The following PCDHA7 variants were observed in gnomAD, a reference collection of about 807,000 sequenced individuals.
PCDHA7 encodes the protein protocadherin alpha 7.
Under a neutral mutation model 57.2 loss-of-function variants are expected in PCDHA7, and 37 were observed. That is an observed-to-expected ratio of 0.65 (90% CI 0.50 to 0.85). The LOEUF (loss-of-function observed/expected upper bound fraction) is 0.85. Ranked by LOEUF, PCDHA7 falls within the 40% of genes least tolerant of loss-of-function variation. The probability of loss-of-function intolerance (pLI) is 0.00; values close to 1 mark genes in which losing one functional copy is unlikely to be tolerated. For missense variants in PCDHA7, 1,188 were observed against 1,241.8 expected (o/e 0.96, Z 0.65); for synonymous variants, 553 against 558.8 (o/e 0.99, Z 0.15).
intron 1 of PCDHA7, among the ~76,000 whole-genome samples, chr5:140,941,764 A>T (rs116374830): frequency 2.0e-5 from 3 of 152,190 alleles, no homozygotes. Flanking sequence ...TGCTTTTAAG[A>T]TAATTGTTTT....
intron 1 of PCDHA7, among the ~76,000 whole-genome samples, chr5:140,908,736 A>G (rs2074127705): frequency 6.6e-6 from 1 of 152,180 alleles, no homozygotes; most frequent in African/African-American, 2.4e-5. Flanking sequence ...GGCTCGAGAA[A>G]CAGAGCAACT....
intron 1 of PCDHA7, chr5:140,842,662 C>G (rs2150341461): frequency 1.3e-6 from 2 of 1,595,426 alleles, no homozygotes; most frequent in East Asian, 2.2e-5. Context: ...AGGTGGCCGA[C>G]GTGAACGACA....
chr5:141,007,377 AC>A lies in PCDHA7; in HGVS notation c.2504-2248del, dbSNP rs1563708435. Among the ~76,000 whole-genome samples, 4 of 136,616 alleles carry A rather than the reference AC, an allele frequency of 2.9e-5. No individual in the cohort carries two copies. The East Asian group carries it at 8.7e-4, about 30-fold the overall frequency. The allele number at this position is 136,616 out of a possible 152,430, so 89.6% of individuals were successfully genotyped here. ...ACCAGCCTGGGCAACATGATGGAAC[AC>A]CATCTCTACTAAAATACAAAAAAAA... On this transcript the variant is annotated intron_variant, in intron 3 of 3. Transcript: ENST00000525929.
chr5:140,907,360 T>C (rs1241355980), intron 1 of PCDHA7, among the ~76,000 whole-genome samples: 1 of 152,186 alleles, frequency 6.6e-6, no homozygotes, highest in Admixed American at 6.5e-5. Flanking sequence ...TGCACTTCTT[T>C]AGTCGTAAAG....
intron 1 of PCDHA7, among the ~76,000 whole-genome samples, chr5:140,847,067 A>G (rs1780844287): frequency 1.3e-5 from 2 of 149,984 alleles, no homozygotes; most frequent in Admixed American, 1.3e-4. Context: ...AAGCATCAAT[A>G]TGACAAGTAG....
chr5:140,931,088 A>G (rs1178910459), intron 1 of PCDHA7, among the ~76,000 whole-genome samples: 1 of 152,196 alleles, frequency 6.6e-6, no homozygotes, highest in African/African-American at 2.4e-5. Context: ...AGTTCTACAG[A>G]TGACAAAGGA....
At chr5:140,841,804 T>A in intron 1 of PCDHA7, 1 of 1,613,910 alleles carries the variant, frequency 6.2e-7, no homozygotes, top group African/African-American at 1.3e-5. Flanking sequence ...CCGATGCAGA[T>A]GTTGGAGCTA....
At chr5:141,004,637 A>G (rs149340406) in intron 3 of PCDHA7, among the ~76,000 whole-genome samples, 1,579 of 152,220 alleles carry the variant, frequency 0.01, 12 homozygotes, top group Middle Eastern at 0.058. Flanking sequence ...TTGAAGAAAA[A>G]TTTCCATTTT....
intron 1 of PCDHA7, chr5:140,969,308 A>G (rs782412499): frequency 1.9e-6 from 3 of 1,614,196 alleles, no homozygotes; most frequent in Middle Eastern, 3.3e-4. Context: ...TATTCTCAAA[A>G]ATGAGGCTGT....
intron 1 of PCDHA7, chr5:140,857,580 C>T: frequency 6.3e-7 from 1 of 1,596,630 alleles, no homozygotes; most frequent in African/African-American, 1.3e-5. Flanking sequence ...TCGGTGCACG[C>T]GGAGAGCGGC....
chr5:141,001,946 G>A (rs1554258360), intron 3 of PCDHA7, among the ~76,000 whole-genome samples: 4 of 147,266 alleles, frequency 2.7e-5, no homozygotes, highest in African/African-American at 1.1e-4. Flanking sequence ...CGGAAATAAG[G>A]AGGAGGGAGA....
intron 1 of PCDHA7, among the ~76,000 whole-genome samples, chr5:140,952,252 A>T (rs1230858145): frequency 6.6e-6 from 1 of 151,034 alleles, no homozygotes; most frequent in Admixed American, 6.6e-5. Context: ...CTGCTGGTGG[A>T]TTCCCATTCT....
chr5:140,970,141 G>T, intron 1 of PCDHA7, among the ~76,000 whole-genome samples: 1 of 152,166 alleles, frequency 6.6e-6, no homozygotes, highest in East Asian at 1.9e-4. Context: ...AAGGGAAAAA[G>T]AATTCTCCCA....
At chr5:140,886,638 C>T (rs1282922977) in intron 1 of PCDHA7, among the ~76,000 whole-genome samples, 4 of 151,738 alleles carry the variant, frequency 2.6e-5, no homozygotes, top group South Asian at 2.1e-4. Flanking sequence ...CCAGCCTGGC[C>T]AACATGGTGA....
At position 140,856,186 on chromosome 5, in the gene PCDHA7, C is replaced by G. The variant is rs1451778566; in HGVS notation, c.2355+19448C>G. 97 of 1,598,138 alleles carry G rather than the reference C, an allele frequency of 6.1e-5. 9 individuals carry two copies. The highest frequency in any genetic ancestry group is 8.0e-5 in the Non-Finnish European group (94 of 1,167,930). Reference sequence around the variant, plus strand: ...CCAGACACGGCACCTTCGTGGGCCGCATCGCGCAGGACCTGGGGCTGGAGC... The same window carrying G: ...CCAGACACGGCACCTTCGTGGGCCGGATCGCGCAGGACCTGGGGCTGGAGC... On this transcript the variant is annotated intron_variant, in intron 1 of 3. Transcript: ENST00000525929.
intron 1 of PCDHA7, chr5:140,877,508 C>T (rs892674985): frequency 2.5e-6 from 4 of 1,613,808 alleles, no homozygotes; most frequent in Non-Finnish European, 2.5e-6. Context: ...CCAAAGACGT[C>T]GTCGCGGGCC....
intron 1 of PCDHA7, among the ~76,000 whole-genome samples, chr5:140,898,053 A>C (rs1444652933): frequency 1.3e-5 from 2 of 151,746 alleles, no homozygotes; most frequent in Admixed American, 1.3e-4. Context: ...TTTTTCTTGT[A>C]AATTTGTTTG....
chr5:140,931,993 T>C (rs1350907359), intron 1 of PCDHA7, among the ~76,000 whole-genome samples: 8 of 152,090 alleles, frequency 5.3e-5, no homozygotes, highest in Admixed American at 3.3e-4. Context: ...GCTCAAATTC[T>C]AAGTTCTTTC....
intron 1 of PCDHA7, among the ~76,000 whole-genome samples, chr5:140,941,215 C>CTT (rs782548958): frequency 1.2e-4 from 13 of 104,510 alleles, no homozygotes; most frequent in African/African-American, 4.4e-4. Flanking sequence ...TTCTTTCTTC[C>CTT]TTTCTTTCTT....
Sources: allele counts gnomAD v4.1 joint callset (sites outside exome capture counted in the v4.1 genomes callset), GRCh38; gene constraint gnomAD v4.1.1; transcripts MANE v1.5; gene names NCBI Gene and HGNC (gene_info 2026-07-23, HGNC 2026-07-21).